TRRAP: variants seen among roughly 807,000 people sequenced by gnomAD.
TRRAP encodes transformation/transcription domain associated protein, also known as transformation/transcription domain-associated protein.
A neutral mutation model predicts 438.8 loss-of-function variants in TRRAP; 41 were observed. That is an observed-to-expected ratio of 0.09 (90% CI 0.07 to 0.12). The LOEUF is 0.12. Ranked by LOEUF, TRRAP falls within the 10% of genes least tolerant of loss-of-function variation. The pLI, the probability that TRRAP is intolerant of heterozygous loss-of-function variation, is 1.00. For synonymous variants in TRRAP, 1,994 were observed against 1,962.9 expected (o/e 1.02, Z -0.42); for missense variants, 3,122 against 5,055.1 (o/e 0.62, Z 11.60).
chr7:98,964,758 G>A lies in TRRAP; in HGVS notation c.6959G>A (p.Ser2320Asn), dbSNP rs1445491877. Residue 2320 changes from serine (S) to asparagine (N), a missense_variant, in exon 48 of 73, where the codon AGC becomes AAC. By Grantham distance (46) the Ser-to-Asn change is conservative (BLOSUM62 1). Transcript: ENST00000456197. ...EHLNPQAASG[S>N]TEATSGTSEL... ...TTAAACCCTCAGGCAGCGTCAGGAA[G>A]CACCGAAGCCACCTCAGGTGATGTG... 6 of 1,612,984 alleles carry A rather than the reference G, an allele frequency of 3.7e-6. No homozygotes were observed. Among genetic ancestry groups the A allele is most frequent in the Non-Finnish European group, 5.1e-6 (6 of 1,179,552 alleles).
rs1271326317 is a variant in TRRAP at position 98,993,671 on chromosome 7, C to T, written c.9981C>T (p.Thr3327=). 6.8e-6 allele frequency: 11 copies of T among 1,614,226 alleles called. No homozygotes were observed. The highest frequency in any genetic ancestry group is 1.3e-5 in the African/African-American group (1 of 75,060). The change falls in exon 66 of 73, where the codon ACC becomes ACT. Residue 3327 remains threonine, a synonymous_variant. Transcript: ENST00000456197. ...IMHMQRELHP[T]LLSSLEGIVD... Reference sequence around the variant, plus strand: ...ACATGCAGCGAGAGCTCCACCCCACCCTTCTGTCTTCCCTGGAAGGCATCG... The same window carrying T: ...ACATGCAGCGAGAGCTCCACCCCACTCTTCTGTCTTCCCTGGAAGGCATCG...
chr7:98,933,529 C>T, intron 27 of TRRAP, 127 bp downstream of exon 27: 1 of 1,318,232 alleles, frequency 7.6e-7, no homozygotes, highest in Non-Finnish European at 1.0e-6. Flanking sequence ...AGGTAACCCA[C>T]TGACACCTGG....
At position 98,976,531 on chromosome 7, in the gene TRRAP, G is replaced by A. The variant is rs1170931987; in HGVS notation, c.8008G>A (p.Val2670Met). The change falls in exon 55 of 73, where the codon GTG becomes ATG. Residue 2670 changes from valine (V) to methionine (M), a missense_variant. Coordinates refer to ENST00000456197, the MANE Select transcript of TRRAP (RefSeq NM_001375524.1). The surrounding 1 kb of genome is among the most constrained non-coding windows in gnomAD (Gnocchi z 4.6). Reference sequence around the variant, plus strand: ...ATTTCTGTGCAGCGGCAGTCACCAGGTGCAGCGGGACTGCCAGCCCAGCGC... The same window carrying A: ...ATTTCTGTGCAGCGGCAGTCACCAGATGCAGCGGGACTGCCAGCCCAGCGC... ...SPFLCSGSHQVQRDCQPSALN... is the reference protein window; with the variant it reads ...SPFLCSGSHQMQRDCQPSALN... 5.6e-6 allele frequency: 9 copies of A among 1,613,300 alleles called. No individual in the cohort carries two copies. The highest frequency in any genetic ancestry group is 4.2e-6 in the Non-Finnish European group (5 of 1,180,042).
Position 98,925,130 on chromosome 7 carries a change from G to A in TRRAP, c.2842G>A (p.Asp948Asn). The A allele has an allele frequency of 1.2e-6, 2 of 1,614,022 alleles. No individual in the cohort carries two copies. The highest frequency in any genetic ancestry group is 1.7e-6 in the Non-Finnish European group (2 of 1,179,952). The stretch of plus-strand genomic sequence containing the variant: ...GTTGTAGGCCATTGAAACTGCTCTG[G>A]ACTGCCTGAAAAGCGCCAACACTGA... The part of the protein sequence containing the change: ...PMEKAIETAL[D>N]CLKSANTEPY... Residue 948 changes from aspartate to asparagine, a missense_variant, in exon 22 of 73, where the codon GAC (aspartate) becomes AAC (asparagine). Asp to Asn is a conservative substitution (Grantham distance 23, BLOSUM62 1). Around this residue, in one of 24 missense-constraint regions of TRRAP, gnomAD observed 133 missense variants for 188.6 expected, o/e 0.71. Coordinates refer to ENST00000456197, the MANE Select transcript of TRRAP (RefSeq NM_001375524.1).
In TRRAP at chr7:98,953,153, C is replaced by T; in HGVS notation, c.5464-14C>T. The T allele has an allele frequency of 1.2e-6, 2 of 1,608,176 alleles. No homozygotes were observed. Among genetic ancestry groups the T allele is most frequent in the Non-Finnish European group, 1.7e-6 (2 of 1,176,792 alleles). Reference sequence around the variant, plus strand: ...CACAACTGGAAATGAGTCCTTCCTGCTGTCCCTGCACAGGTCCTGGACCCC... The same window carrying T: ...CACAACTGGAAATGAGTCCTTCCTGTTGTCCCTGCACAGGTCCTGGACCCC... On this transcript the variant is annotated splice_polypyrimidine_tract_variant and intron_variant, in intron 39 of 72. Transcript: ENST00000456197.
At chr7:98,971,105 C>G (rs1222900822) in intron 52 of TRRAP, among the ~76,000 whole-genome samples, 1 of 152,088 alleles carries the variant, frequency 6.6e-6, no homozygotes, top group African/African-American at 2.4e-5. Context: ...GTGGTGCGTC[C>G]CCTCTTCCAT....
At chr7:98,984,466 A>T in intron 61 of TRRAP, 108 bp downstream of exon 61, 1 of 1,353,938 alleles carries the variant, frequency 7.4e-7, no homozygotes, top group Non-Finnish European at 9.9e-7. Flanking sequence ...GTGGACTCGA[A>T]CTTTCCACAA....
chr7:98,886,471 TAGAG>T (rs1251345045), intron 3 of TRRAP, among the ~76,000 whole-genome samples: 1 of 151,772 alleles, frequency 6.6e-6, no homozygotes, highest in Non-Finnish European at 1.5e-5. Context: ...TCTAGAGAGA[TAGAG>T]ATAGATATAG....
chr7:98,881,548 G>C, intron 2 of TRRAP: 1 of 260,376 alleles, frequency 3.8e-6, no homozygotes, highest in Non-Finnish European at 7.2e-6. Flanking sequence ...CTCCAGCCTG[G>C]GTGACAGAGC....
chr7:98,954,631 C>G (rs976975828), intron 40 of TRRAP, among the ~76,000 whole-genome samples: 2 of 152,204 alleles, frequency 1.3e-5, no homozygotes, highest in African/African-American at 4.8e-5. Context: ...CCCACCCCGT[C>G]CCCTCTACCC....
Position 98,990,522 on chromosome 7 carries a change from T to G in TRRAP, c.9659T>G (p.Ile3220Ser). 6.2e-7 allele frequency: 1 copy of G among 1,614,182 alleles called. No individual in the cohort carries two copies. Among genetic ancestry groups the G allele is most frequent in the Non-Finnish European group, 8.5e-7 (1 of 1,180,004 alleles). Reference protein sequence around the residue: ...TLADAVDKYCIGVPPIQWLAW... With the variant: ...TLADAVDKYCSGVPPIQWLAW... ...GCAGATGCCGTCGACAAGTACTGCA[T>G]TGGTGTGCCACCCATCCAGTGGCTG... Residue 3220 changes from isoleucine (I) to serine (S), a missense_variant, in exon 64 of 73, where the codon ATT becomes AGT. Physicochemically the swap from Ile to Ser is moderately radical, Grantham distance 142. This residue lies in a region of TRRAP where 52 missense variants were observed against 88.3 expected (regional missense o/e 0.59). Coordinates refer to ENST00000456197, the MANE Select transcript of TRRAP (RefSeq NM_001375524.1).
intron 60 of TRRAP, among the ~76,000 whole-genome samples, chr7:98,983,729 G>GA (rs1290075023): frequency 1.3e-5 from 2 of 152,110 alleles, no homozygotes; most frequent in Non-Finnish European, 2.9e-5. Flanking sequence ...TCAATGCTCT[G>GA]AGCCATGGCA....
chr7:99,009,880 C>CTTTTTT (rs138174570), intron 70 of TRRAP, among the ~76,000 whole-genome samples: 24 of 96,676 alleles, frequency 2.5e-4, no homozygotes, highest in Non-Finnish European at 3.9e-4. Context: ...TCATTCTTCT[C>CTTTTTT]TTTTTTTTTT....
chr7:98,919,127 G>A (rs781897235), intron 20 of TRRAP, among the ~76,000 whole-genome samples: 61 of 152,192 alleles, frequency 4.0e-4, no homozygotes, highest in Non-Finnish European at 4.3e-4. Flanking sequence ...CCCTTTAATA[G>A]CAGGTAGTTG....
intron 12 of TRRAP, 150 bp from the exon 13 acceptor site, chr7:98,906,027 C>G: frequency 1.7e-6 from 1 of 576,974 alleles, no homozygotes; most frequent in South Asian, 2.3e-5. Flanking sequence ...TGAAATAGCA[C>G]TTGTGCCTTT....
At chr7:98,947,007 C>T (rs1436629121) in intron 33 of TRRAP, among the ~76,000 whole-genome samples, 1 of 152,258 alleles carries the variant, frequency 6.6e-6, no homozygotes, top group African/African-American at 2.4e-5. Flanking sequence ...CCTGCTTTGC[C>T]TTTTGGTGTA....
In TRRAP at chr7:98,931,579, G is replaced by T; in HGVS notation, c.3766G>T (p.Val1256Leu). ...AGAAGTCACCTCTCCAAACTCCACT[G>T]TGAGGAAGCAGGCCATGCATTCGCT... ...VREVTSPNST[V>L]RKQAMHSLQV... Residue 1256 changes from valine (V) to leucine (L), a missense_variant, in exon 26 of 73, where the codon GTG becomes TTG. Val to Leu is a conservative substitution (Grantham distance 32, BLOSUM62 1). Around this residue, in one of 24 missense-constraint regions of TRRAP, gnomAD observed 153 missense variants for 223.0 expected, o/e 0.69. Coordinates refer to ENST00000456197, the MANE Select transcript of TRRAP (RefSeq NM_001375524.1). The T allele has an allele frequency of 6.2e-7, 1 of 1,614,236 alleles. No individual in the cohort carries two copies. Among genetic ancestry groups the T allele is most frequent in the Non-Finnish European group, 8.5e-7 (1 of 1,180,048 alleles).
At chr7:98,901,340 C>T (rs931650269) in intron 11 of TRRAP, among the ~76,000 whole-genome samples, 9 of 152,220 alleles carry the variant, frequency 5.9e-5, no homozygotes, top group African/African-American at 2.2e-4. Context: ...GCCGTATGAC[C>T]TCACTGAACT....
intron 59 of TRRAP, among the ~76,000 whole-genome samples, chr7:98,982,752 G>A (rs920651379): frequency 8.0e-3 from 3 of 374 alleles, no homozygotes; most frequent in Non-Finnish European, 0.014. Flanking sequence ...CTCATAGGAC[G>A]GTGACTCAAA....
Sources: allele counts gnomAD v4.1 joint callset (sites outside exome capture counted in the v4.1 genomes callset), GRCh38; gene constraint gnomAD v4.1.1; regional missense constraint gnomAD v4.1.1; non-coding constraint Gnocchi (gnomAD v3.1); transcripts MANE v1.5; gene names NCBI Gene and HGNC (gene_info 2026-07-23, HGNC 2026-07-21).